OTOGL: variants seen among roughly 807,000 people sequenced by gnomAD.
OTOGL encodes the protein otogelin-like protein.
Under a neutral mutation model 318.5 loss-of-function variants are expected in OTOGL, and 285 were observed. That is an observed-to-expected ratio of 0.89 (90% CI 0.81 to 0.99). The LOEUF is 0.99. Ranked by LOEUF, OTOGL falls within the 50% of genes least tolerant of loss-of-function variation. OTOGL has a pLI of 0.00. For missense variants in OTOGL, 2,899 were observed against 2,845.6 expected, an observed-to-expected ratio of 1.02 and a Z score of -0.43; for synonymous variants, 987 against 936.5, an observed-to-expected ratio of 1.05 and a Z score of -0.99.
chr12:80,304,835 T>C (rs1886004459), intron 28 of OTOGL, among the ~76,000 whole-genome samples: 1 of 152,220 alleles, frequency 6.6e-6, no homozygotes, highest in Non-Finnish European at 1.5e-5. Context: ...ACCTTGAATT[T>C]AGACATGCTG....
intron 17 of OTOGL, among the ~76,000 whole-genome samples, chr12:80,257,162 G>A (rs1049481776): frequency 3.3e-5 from 5 of 152,058 alleles, no homozygotes; most frequent in African/African-American, 1.2e-4. Context: ...ACATGCTCAC[G>A]CTACACAGGT....
At chr12:80,307,700 G>T (rs533833828) in intron 29 of OTOGL, among the ~76,000 whole-genome samples, 1 of 134,532 alleles carries the variant, frequency 7.4e-6, no homozygotes, top group Non-Finnish European at 1.6e-5. Flanking sequence ...AGGCAGAGGC[G>T]CCCCTCACTT....
intron 1 of OTOGL, among the ~76,000 whole-genome samples, chr12:80,105,959 T>C (rs1209091209): frequency 6.6e-6 from 1 of 152,164 alleles, no homozygotes; most frequent in African/African-American, 2.4e-5. Context: ...CATAAAAACA[T>C]GAGCAAACTA....
chr12:80,217,618 A>T lies in OTOGL; in HGVS notation c.189A>T (p.Arg63Ser). The T allele has an allele frequency of 6.4e-7, 1 of 1,551,236 alleles. No homozygotes were observed. Among genetic ancestry groups the T allele is most frequent in the Non-Finnish European group, 8.7e-7 (1 of 1,145,926 alleles). Residue 63 changes from arginine (R) to serine (S), a missense_variant, in exon 5 of 59, where the codon AGA becomes AGT. Arg to Ser is a moderately radical substitution (Grantham distance 110). Transcript: ENST00000547103. ...LAAQFEATSP[R>S]YFFHDAINWG... ...CAAAGTTTGAAGCTACTTCTCCGAG[A>T]TACTTTTTCCATGATGCTATTAATT...
chr12:80,236,545 G>A lies in OTOGL; in HGVS notation c.818-2306G>A, dbSNP rs1304797836. Among the ~76,000 whole-genome samples the A allele has an allele frequency of 2.6e-5, 4 of 152,254 alleles. No homozygotes were observed. In the East Asian group the frequency reaches 5.8e-4, roughly 22 times the overall value. On this transcript the variant is annotated intron_variant, in intron 9 of 58. Coordinates refer to ENST00000547103, the MANE Select transcript of OTOGL (RefSeq NM_001378609.3). ...AGGTTGTTTAGTCACATTAAAATTCGTGTGTAAGTATTGAAATAAGTGGGT... is the reference window on the plus strand; with the variant it reads ...AGGTTGTTTAGTCACATTAAAATTCATGTGTAAGTATTGAAATAAGTGGGT...
At chr12:80,347,886 T>A (rs778881030) in intron 44 of OTOGL, among the ~76,000 whole-genome samples, 1 of 152,250 alleles carries the variant, frequency 6.6e-6, no homozygotes, top group Non-Finnish European at 1.5e-5. Flanking sequence ...CTGAACCTTT[T>A]TTTCATATGT....
At chr12:80,238,757 C>T in intron 9 of OTOGL, 94 bp from the exon 10 acceptor site, 10 of 1,261,478 alleles carry the variant, frequency 7.9e-6, no homozygotes, top group Non-Finnish European at 8.0e-6. Flanking sequence ...ATGTTTTGAC[C>T]AGGAAGTTTG....
intron 1 of OTOGL, among the ~76,000 whole-genome samples, chr12:80,114,384 C>G (rs1276621674): frequency 6.6e-6 from 1 of 152,124 alleles, no homozygotes; most frequent in Non-Finnish European, 1.5e-5. Flanking sequence ...CTTAGTTTGG[C>G]TGGATATGAA....
At chr12:80,287,177 G>A (rs556138864) in intron 26 of OTOGL, among the ~76,000 whole-genome samples, 83 of 151,840 alleles carry the variant, frequency 5.5e-4, no homozygotes, top group Non-Finnish European at 9.9e-4. Context: ...TCAGGAGCAC[G>A]TTGTTCAGTT....
chr12:80,336,667 G>T, intron 40 of OTOGL, 112 bp downstream of exon 40: 1 of 1,423,992 alleles, frequency 7.0e-7, no homozygotes, highest in African/African-American at 1.4e-5. Flanking sequence ...ACTGAGATCG[G>T]TCTTCTGATA....
At chr12:80,360,099 T>C (rs1364257684) in intron 52 of OTOGL, among the ~76,000 whole-genome samples, 3 of 152,234 alleles carry the variant, frequency 2.0e-5, no homozygotes, top group Non-Finnish European at 4.4e-5. Context: ...TGAAAGAGAA[T>C]GTGAGACTGC....
intron 7 of OTOGL, among the ~76,000 whole-genome samples, chr12:80,226,424 T>G (rs981671055): frequency 6.6e-6 from 1 of 152,110 alleles, no homozygotes; most frequent in Non-Finnish European, 1.5e-5. Context: ...CTCCAGTCAC[T>G]AATATTTTTC....
chr12:80,250,474 G>A (rs1390318615), intron 11 of OTOGL, among the ~76,000 whole-genome samples: 1 of 152,128 alleles, frequency 6.6e-6, no homozygotes, highest in Non-Finnish European at 1.5e-5. Context: ...CACCGTTAAT[G>A]TAGGAAAGAA....
chr12:80,136,461 C>T (rs867262632), intron 1 of OTOGL, among the ~76,000 whole-genome samples: 1 of 152,168 alleles, frequency 6.6e-6, no homozygotes, highest in South Asian at 2.1e-4. Flanking sequence ...AATTTACTGT[C>T]CATGTAGTAG....
chr12:80,356,521 G>C lies in OTOGL; in HGVS notation c.5911+1G>C, dbSNP rs765483246. 5 of 1,579,398 alleles carry C rather than the reference G, an allele frequency of 3.2e-6. No individual in the cohort carries two copies. The highest frequency in any genetic ancestry group is 4.3e-6 in the Non-Finnish European group (5 of 1,157,460). ...TCTTGCTGTCCACAGTACAAATGTGGTAAGTAATCAATATAGAAAATTAAG... is the reference window on the plus strand; with the variant it reads ...TCTTGCTGTCCACAGTACAAATGTGCTAAGTAATCAATATAGAAAATTAAG... On this transcript the variant is annotated splice_donor_variant, in intron 48 of 58. Coordinates refer to ENST00000547103, the MANE Select transcript of OTOGL (RefSeq NM_001378609.3). LOFTEE classifies it high-confidence loss of function.
chr12:80,282,819 C>A (rs1179224129), intron 26 of OTOGL, among the ~76,000 whole-genome samples: 1 of 151,828 alleles, frequency 6.6e-6, no homozygotes, highest in Non-Finnish European at 1.5e-5. Context: ...CTTTAAGTTA[C>A]CTCCACCCTT....
chr12:80,338,108 C>T (rs540750941), intron 42 of OTOGL, among the ~76,000 whole-genome samples: 17 of 152,030 alleles, frequency 1.1e-4, no homozygotes, highest in Non-Finnish European at 2.4e-4. Flanking sequence ...GATAAAACAA[C>T]ATAGGTCCTG....
intron 1 of OTOGL, chr12:80,132,254 C>T (rs1251696985): frequency 6.6e-6 from 1 of 152,074 alleles, no homozygotes; most frequent in Non-Finnish European, 1.5e-5. Context: ...TTTTATATGC[C>T]ATCATTTAAA....
intron 22 of OTOGL, among the ~76,000 whole-genome samples, chr12:80,268,416 G>T (rs1883162678): frequency 6.6e-6 from 1 of 152,136 alleles, no homozygotes; most frequent in Admixed American, 6.6e-5. Context: ...CTGGGAGTTA[G>T]TCCCAGGCAA....
Sources: gnomAD v4.1 joint callset for allele counts (sites outside exome capture counted in the v4.1 genomes callset) on GRCh38, gnomAD v4.1.1 for gene constraint, MANE v1.5 for transcripts, NCBI Gene and HGNC (gene_info 2026-07-23, HGNC 2026-07-21) for gene names.